SUCLG2: variants seen among roughly 807,000 people sequenced by gnomAD.
SUCLG2 encodes the protein succinate--CoA ligase [GDP-forming] subunit beta, mitochondrial.
A neutral mutation model predicts 47.9 loss-of-function variants in SUCLG2; 42 were observed. That is an observed-to-expected ratio of 0.88 (90% CI 0.69 to 1.14). The LOEUF is 1.14. Among genes scored for constraint, SUCLG2 ranks in the 50% most tolerant of loss-of-function variants. SUCLG2 has a pLI of 0.00. For synonymous variants in SUCLG2, 195 were observed against 197.3 expected (o/e 0.99, Z 0.10); for missense variants, 571 against 525.9 (o/e 1.09, Z -0.84).
At chr3:67,409,062 T>A (rs1702877524) in intron 9 of SUCLG2, 1 of 1,531,074 alleles carries the variant, frequency 6.5e-7, no homozygotes, top group Non-Finnish European at 8.7e-7. Context: ...AGAGGTAAGA[T>A]ATCTTGTATA....
intron 9 of SUCLG2, among the ~76,000 whole-genome samples, chr3:67,401,575 C>CAAAAA (rs5849753): frequency 1.6e-4 from 19 of 121,640 alleles, no homozygotes; most frequent in African/African-American, 4.0e-4. Flanking sequence ...GCATGTGGGC[C>CAAAAA]AAAAAAAAAA....
chr3:67,612,502 GAAT>G (rs1295281212), intron 1 of SUCLG2, among the ~76,000 whole-genome samples: 3 of 151,970 alleles, frequency 2.0e-5, no homozygotes, highest in South Asian at 4.1e-4. Context: ...ATAAACTGCT[GAAT>G]AATAATAACA....
chr3:67,436,302 C>T (rs937353455), intron 9 of SUCLG2, among the ~76,000 whole-genome samples: 3 of 152,244 alleles, frequency 2.0e-5, no homozygotes, highest in Admixed American at 1.3e-4. Context: ...TTCCTGCTTT[C>T]CAGCCCTTTG....
At chr3:67,556,386 C>G (rs1293022958) in intron 2 of SUCLG2, among the ~76,000 whole-genome samples, 5 of 152,140 alleles carry the variant, frequency 3.3e-5, no homozygotes, top group Admixed American at 2.0e-4. Flanking sequence ...AGCAGAAATG[C>G]AGTATCACGT....
At chr3:67,371,906 A>C (rs1223786449), downstream of SUCLG2, among the ~76,000 whole-genome samples, 1 of 152,186 alleles carries the variant, frequency 6.6e-6, no homozygotes, top group African/African-American at 2.4e-5. Context: ...CCAGTAAAAC[A>C]ACAATGACAG....
intron 1 of SUCLG2, among the ~76,000 whole-genome samples, chr3:67,628,858 C>T (rs886220748): frequency 6.6e-6 from 1 of 152,136 alleles, no homozygotes; most frequent in South Asian, 2.1e-4. Flanking sequence ...TGAAAATGAA[C>T]TAATACAGCA....
chr3:67,382,005 T>G (rs1052047357), intron 10 of SUCLG2, among the ~76,000 whole-genome samples: 1 of 152,228 alleles, frequency 6.6e-6, no homozygotes, highest in Non-Finnish European at 1.5e-5. Context: ...AGACGCCTCC[T>G]GCCTTTTATC....
rs143074934 is a variant in SUCLG2 at position 67,528,926 on chromosome 3, A to G, written c.326+161T>C. ...ATTTTGTGGGGGCAGAAGGAAAACTAGGGCACTGCCAGAGCCCTCTACCTA... is the reference window on the plus strand; with the variant it reads ...ATTTTGTGGGGGCAGAAGGAAAACTGGGGCACTGCCAGAGCCCTCTACCTA... On this transcript the variant is annotated intron_variant, in intron 3 of 10. Transcript: ENST00000307227. Among the ~76,000 whole-genome samples, 1,492 of 152,292 alleles carry G rather than the reference A, an allele frequency of 9.8e-3. 31 individuals are homozygous for G. Among genetic ancestry groups the G allele is most frequent in the African/African-American group, 0.034 (1,401 of 41,558 alleles).
At chr3:67,470,479 G>A (rs1704578270) in intron 9 of SUCLG2, among the ~76,000 whole-genome samples, 1 of 152,194 alleles carries the variant, frequency 6.6e-6, no homozygotes, top group Non-Finnish European at 1.5e-5. Flanking sequence ...AGTGTTAAGA[G>A]GCAGAACCTT....
intron 9 of SUCLG2, among the ~76,000 whole-genome samples, chr3:67,416,311 G>A (rs555178406): frequency 2.0e-5 from 3 of 152,272 alleles, no homozygotes; most frequent in African/African-American, 7.2e-5. Context: ...TGAATAAAAT[G>A]TATATGCTTT....
intron 2 of SUCLG2, among the ~76,000 whole-genome samples, chr3:67,601,818 T>C (rs1708425107): frequency 6.6e-6 from 1 of 151,772 alleles, no homozygotes; most frequent in Admixed American, 6.6e-5. Context: ...CCCGTGTCTA[T>C]TAAAAATATA....
At chr3:67,382,724 C>T (rs1012246147) in intron 10 of SUCLG2, among the ~76,000 whole-genome samples, 5 of 152,124 alleles carry the variant, frequency 3.3e-5, no homozygotes, top group East Asian at 1.9e-4. Flanking sequence ...TGGCTGTTTG[C>T]GCTTTGCAAT....
chr3:67,490,240 TTAAA>T (rs1369840375), intron 9 of SUCLG2, among the ~76,000 whole-genome samples: 3 of 152,286 alleles, frequency 2.0e-5, no homozygotes, highest in East Asian at 3.9e-4. Context: ...TTCTTTGTAC[TTAAA>T]TAAACTCTAA....
intron 9 of SUCLG2, among the ~76,000 whole-genome samples, chr3:67,410,872 G>A (rs1029060942): frequency 5.9e-5 from 9 of 152,186 alleles, no homozygotes; most frequent in African/African-American, 1.9e-4. Context: ...GATACTCATT[G>A]CTTATAATGC....
At position 67,446,422 on chromosome 3, in the gene SUCLG2, T is replaced by G. The variant is rs1176319070; in HGVS notation, c.1063-45571A>C. On this transcript the variant is annotated intron_variant, in intron 9 of 10. Transcript: ENST00000307227. ...CTAAATATGTACATATGTACATTTT[T>G]TTTTTTTTTTTTTTTTTTTTTTTTT... Among the ~76,000 whole-genome samples, 512 of 75,748 alleles carry G rather than the reference T, an allele frequency of 6.8e-3. 9 individuals carry two copies. Among genetic ancestry groups the G allele is most frequent in the Non-Finnish European group, 9.3e-3 (380 of 40,948 alleles). The allele number at this position is 75,748 out of a possible 152,430, so 49.7% of individuals were successfully genotyped here. A position where few individuals can be genotyped will look rare whatever the true frequency, so the allele number is the denominator to read the frequency against.
At chr3:67,625,496 C>T (rs552153831) in intron 1 of SUCLG2, among the ~76,000 whole-genome samples, 1 of 152,306 alleles carries the variant, frequency 6.6e-6, no homozygotes, top group Admixed American at 6.5e-5. Flanking sequence ...ATCTAATTAG[C>T]TACCCAATGC....
intron 2 of SUCLG2, among the ~76,000 whole-genome samples, chr3:67,607,504 A>G (rs1326690840): frequency 6.6e-6 from 1 of 152,100 alleles, no homozygotes; most frequent in Non-Finnish European, 1.5e-5. Context: ...CTCCTACTAG[A>G]CAGTGGCAAT....
chr3:67,456,215 T>C (rs1304003340), intron 9 of SUCLG2, among the ~76,000 whole-genome samples: 3 of 152,172 alleles, frequency 2.0e-5, no homozygotes, highest in Non-Finnish European at 4.4e-5. Context: ...TACATGAATA[T>C]CTTAAATTAT....
chr3:67,622,418 T>C (rs1700751035), intron 1 of SUCLG2, among the ~76,000 whole-genome samples: 1 of 152,184 alleles, frequency 6.6e-6, no homozygotes, highest in Non-Finnish European at 1.5e-5. Context: ...GAAGGGATCA[T>C]GGATTTTCCG....
Sources: gnomAD v4.1 joint callset for allele counts (sites outside exome capture counted in the v4.1 genomes callset) on GRCh38, gnomAD v4.1.1 for gene constraint, MANE v1.5 for transcripts, NCBI Gene and HGNC (gene_info 2026-07-23, HGNC 2026-07-21) for gene names.